Variants in NEBL observed in about 807,000 individuals in gnomAD.
NEBL encodes LIM and SH3 protein 2.
NEBL carries 122 observed loss-of-function variants against 140.2 expected under a neutral mutation model. The observed-to-expected ratio is 0.87, with a 90% confidence interval of 0.75 to 1.01. The LOEUF (loss-of-function observed/expected upper bound fraction) is 1.01, where lower values mean the gene tolerates loss of function less well. NEBL is among the 50% of genes least tolerant of loss of function. The probability of loss-of-function intolerance (pLI) is 0.00; values close to 1 mark genes in which losing one functional copy is unlikely to be tolerated. For synonymous variants in NEBL, 436 were observed against 398.9 expected (o/e 1.09, Z -1.11); for missense variants, 1,365 against 1,231.3 (o/e 1.11, Z -1.62).
Position 20,831,489 on chromosome 10 carries a change from G to A in NEBL, c.1544C>T (p.Ser515Phe). Residue 515 changes from serine (S) to phenylalanine (F), a missense_variant, in exon 15 of 28, where the codon TCC becomes TTC. Transcript: ENST00000377122. ...CTGTCTTACCTGGCTGGCCATCTCG[G>A]ATGCTTTCTTAGCTCTCTGGACATC... ...TLDVQRAKKA[S>F]EMASQKQYKK... is the part of the protein sequence containing the mutation. The A allele has an allele frequency of 6.2e-7, 1 of 1,609,282 alleles. No individual in the cohort carries two copies. Among genetic ancestry groups the A allele is most frequent in the Non-Finnish European group, 8.5e-7 (1 of 1,177,428 alleles).
chr10:20,939,588 T>C (rs1343047950), intron 4 of NEBL, among the ~76,000 whole-genome samples: 1 of 152,116 alleles, frequency 6.6e-6, no homozygotes, highest in African/African-American at 2.4e-5. Flanking sequence ...ATAACAATAT[T>C]AACCTTAAAC....
rs772399010 is a variant in NEBL at position 20,961,731 on chromosome 10, T to C, written c.298A>G (p.Ile100Val). The C allele has an allele frequency of 5.6e-6, 9 of 1,613,974 alleles. No homozygotes were observed. In the Middle Eastern group the frequency reaches 5.0e-4, roughly 89 times the overall value. The change falls in exon 4 of 7, where the codon ATC becomes GTC. Residue 100 changes from isoleucine (I) to valine (V), a missense_variant. Coordinates refer to the NEBL transcript ENST00000417816. ...TGTAGCTCAGGAGTGTCCGTGACGA[T>C]GCTGAAGCCCCTCCCTTTGCTTTCT...
chr10:20,938,555 G>C (rs1047945805), intron 4 of NEBL, among the ~76,000 whole-genome samples: 1 of 152,214 alleles, frequency 6.6e-6, no homozygotes. Flanking sequence ...AAGGAATGCA[G>C]CTCCTCACCA....
At chr10:21,141,486 C>T (rs1340366357) in intron 2 of NEBL, among the ~76,000 whole-genome samples, 1 of 152,140 alleles carries the variant, frequency 6.6e-6, no homozygotes, top group Non-Finnish European at 1.5e-5. Context: ...AAGAATTTTT[C>T]ATGATATTCT....
At chr10:21,256,338 G>C (rs1431576771) in intron 1 of NEBL, among the ~76,000 whole-genome samples, 1 of 152,074 alleles carries the variant, frequency 6.6e-6, no homozygotes, top group Non-Finnish European at 1.5e-5. Context: ...AAAATGCTGA[G>C]ATTACAGGCG....
chr10:20,823,595 AC>A (rs1483910818), intron 18 of NEBL, among the ~76,000 whole-genome samples: 1 of 152,110 alleles, frequency 6.6e-6, no homozygotes, highest in Non-Finnish European at 1.5e-5. Flanking sequence ...CAGGAAAAAA[AC>A]CTTGTACATT....
chr10:21,067,783 C>T (rs1418139621), intron 2 of NEBL, among the ~76,000 whole-genome samples: 3 of 152,040 alleles, frequency 2.0e-5, no homozygotes, highest in African/African-American at 7.2e-5. Context: ...TCAAGACCAG[C>T]CTGGGCAACA....
intron 2 of NEBL, among the ~76,000 whole-genome samples, chr10:21,129,343 C>T (rs1292594698): frequency 6.6e-6 from 1 of 151,804 alleles, no homozygotes; most frequent in Non-Finnish European, 1.5e-5. Flanking sequence ...AACTCCTGGG[C>T]TCAAGCCATC....
At chr10:21,079,317 G>C (rs771409919) in intron 2 of NEBL, among the ~76,000 whole-genome samples, 1 of 152,178 alleles carries the variant, frequency 6.6e-6, no homozygotes, top group Non-Finnish European at 1.5e-5. Context: ...AAAAATACAA[G>C]ATAAAATGCA....
At chr10:20,925,901 C>T (rs1222151633) in intron 4 of NEBL, among the ~76,000 whole-genome samples, 1 of 152,116 alleles carries the variant, frequency 6.6e-6, no homozygotes, top group Non-Finnish European at 1.5e-5. Context: ...TGAGATTTTT[C>T]ACAATACTCT....
chr10:21,031,436 T>G (rs1355537720), intron 2 of NEBL, among the ~76,000 whole-genome samples: 1 of 152,170 alleles, frequency 6.6e-6, no homozygotes. Flanking sequence ...GAAGATTGGA[T>G]GGACCAAGAC....
intron 3 of NEBL, among the ~76,000 whole-genome samples, chr10:20,964,453 G>C (rs1282336407): frequency 2.6e-5 from 4 of 152,160 alleles, no homozygotes; most frequent in African/African-American, 9.7e-5. Flanking sequence ...AATCATGATG[G>C]AAGGTGAAGG....
At chr10:21,104,415 A>G (rs1304088388) in intron 2 of NEBL, among the ~76,000 whole-genome samples, 1 of 152,138 alleles carries the variant, frequency 6.6e-6, no homozygotes, top group Non-Finnish European at 1.5e-5. Flanking sequence ...TTCCAGCAAC[A>G]TTTTGTAGTT....
intron 26 of NEBL, among the ~76,000 whole-genome samples, chr10:20,801,107 G>T (rs1021782484): frequency 2.0e-5 from 3 of 152,136 alleles, no homozygotes; most frequent in African/African-American, 7.2e-5. Context: ...TTGCCAACGT[G>T]CTATGCTCTC....
chr10:21,198,531 T>C (rs755042232), intron 3 of NEBL, among the ~76,000 whole-genome samples: 3 of 152,152 alleles, frequency 2.0e-5, no homozygotes, highest in Admixed American at 1.3e-4. Flanking sequence ...GTTTAGGCAA[T>C]AGAGGTGGGC....
At chr10:21,007,124 G>A (rs1838167525) in intron 3 of NEBL, among the ~76,000 whole-genome samples, 1 of 151,910 alleles carries the variant, frequency 6.6e-6, no homozygotes, top group Non-Finnish European at 1.5e-5. Context: ...AAAAAAAACT[G>A]TTCACAGAAT....
At chr10:21,204,633 G>A (rs2132230087) in intron 3 of NEBL, among the ~76,000 whole-genome samples, 1 of 152,248 alleles carries the variant, frequency 6.6e-6, no homozygotes, top group East Asian at 1.9e-4. Flanking sequence ...CCAGGCTGTG[G>A]GATTCTGTTA....
At chr10:21,009,946 G>T (rs1189360041) in intron 3 of NEBL, among the ~76,000 whole-genome samples, 1 of 152,166 alleles carries the variant, frequency 6.6e-6, no homozygotes, top group Non-Finnish European at 1.5e-5. Flanking sequence ...ACCGCAGGCT[G>T]CTGGTTACCC....
intron 2 of NEBL, among the ~76,000 whole-genome samples, chr10:21,105,806 G>A (rs938560977): frequency 1.5e-4 from 23 of 152,242 alleles, no homozygotes; most frequent in Middle Eastern, 3.4e-3. Context: ...CCCACCAACC[G>A]TGTAAAAGCG....
Sources: gnomAD v4.1 joint callset for allele counts (sites outside exome capture counted in the v4.1 genomes callset) on GRCh38, gnomAD v4.1.1 for gene constraint, MANE v1.5 for transcripts, NCBI Gene and HGNC (gene_info 2026-07-23, HGNC 2026-07-21) for gene names.